The following ABCA4 variants were observed in gnomAD, a reference collection of about 807,000 sequenced individuals.
ABCA4 encodes retinal-specific phospholipid-transporting ATPase ABCA4.
In ABCA4, 196 loss-of-function variants were observed where a neutral mutation model predicts 263.7. The ratio of observed to expected loss-of-function variants is 0.74; its 90% CI spans 0.66 to 0.84. The LOEUF (loss-of-function observed/expected upper bound fraction) is 0.84, where lower values mean the gene tolerates loss of function less well. Among genes scored for constraint, ABCA4 ranks in the 40% least tolerant of loss-of-function variants. The pLI, the probability that ABCA4 is intolerant of heterozygous loss-of-function variation, is 0.00. For synonymous variants in ABCA4, 1,133 were observed against 1,094.2 expected, an observed-to-expected ratio of 1.04 and a Z score of -0.70; for missense variants, 2,792 against 2,855.1, an observed-to-expected ratio of 0.98 and a Z score of 0.50.
At chr1:94,011,449 T>G (rs1209531747) in intron 38 of ABCA4, 64 bp from the exon 39 acceptor site, 2 of 1,609,598 alleles carry the variant, frequency 1.2e-6, no homozygotes, top group Non-Finnish European at 1.7e-6. Context: ...CTTCAGCAGG[T>G]GGGGCCCAGA....
chr1:94,108,115 T>C (rs530209223), intron 4 of ABCA4, among the ~76,000 whole-genome samples: 1 of 152,332 alleles, frequency 6.6e-6, no homozygotes, highest in African/African-American at 2.4e-5. Context: ...GGAGAAATAG[T>C]ACAATTATGC....
chr1:94,042,610 A>G, intron 22 of ABCA4, 151 bp downstream of exon 22: 1 of 1,093,210 alleles, frequency 9.1e-7, no homozygotes, highest in Non-Finnish European at 1.4e-6. Context: ...TTTAGCTGGA[A>G]CTTAGATTCA....
At chr1:94,117,326 G>C (rs766871813) in intron 1 of ABCA4, among the ~76,000 whole-genome samples, 10 of 152,094 alleles carry the variant, frequency 6.6e-5, no homozygotes, top group Non-Finnish European at 1.3e-4. Context: ...CCCGGAGCCT[G>C]GGTACACTGG....
At position 94,067,974 on chromosome 1, in the gene ABCA4, A is replaced by G. The variant is rs533462797; in HGVS notation, c.1555-4657T>C. ...CCATTTTTATGACTGTTTTTGCAAA[A>G]TATCTTGAAAGTCAACAGACTTTTA... is the stretch of plus-strand genomic sequence containing the variant. On this transcript the variant is annotated intron_variant, in intron 11 of 49. Transcript: ENST00000370225. Among the ~76,000 whole-genome samples, 146 of 152,328 alleles carry G rather than the reference A, an allele frequency of 9.6e-4. 2 individuals carry two copies. The highest frequency in any genetic ancestry group is 1.0e-3 in the Non-Finnish European group (71 of 68,024).
Position 94,112,001 on chromosome 1 carries a change from T to A in ABCA4, c.161-422A>T, listed in dbSNP as rs773619602. The stretch of plus-strand genomic sequence containing the variant: ...AAGCATGCAGTAGGGCTGCAGGTTA[T>A]GGGCTCCTCGGGGAGAGGTAAAGAA... On this transcript the variant is annotated intron_variant, in intron 2 of 49. Coordinates refer to ENST00000370225, the MANE Select transcript of ABCA4 (RefSeq NM_000350.3). 3.6e-4 allele frequency among the ~76,000 whole-genome samples: 55 copies of A among 152,302 alleles called. No individual in the cohort carries two copies. In the Middle Eastern group the frequency reaches 0.02, roughly 57 times the overall value.
At chr1:94,114,115 T>C (rs999840877) in intron 1 of ABCA4, among the ~76,000 whole-genome samples, 1 of 152,248 alleles carries the variant, frequency 6.6e-6, no homozygotes, top group Non-Finnish European at 1.5e-5. Context: ...GCTATTCACA[T>C]GGTCTTTCAT....
At position 93,997,947 on chromosome 1, in the gene ABCA4, GGGA is replaced by G. The variant is rs771016066; in HGVS notation, c.6640_6642del (p.Ser2214del). ...AGGAGGAGCTGGAAGATCCTCGCCA[GGGA>G]GGAGGAGGAGACCTGGAACTGGAGC... On this transcript the variant is annotated inframe_deletion, in exon 48 of 50. Coordinates refer to ENST00000370225, the MANE Select transcript of ABCA4 (RefSeq NM_000350.3). 1.9e-6 allele frequency: 3 copies of G among 1,614,156 alleles called. No individual in the cohort carries two copies. The highest frequency in any genetic ancestry group is 2.5e-6 in the Non-Finnish European group (3 of 1,180,010).
chr1:94,061,959 C>T (rs1034282293), intron 13 of ABCA4, among the ~76,000 whole-genome samples: 11 of 152,162 alleles, frequency 7.2e-5, no homozygotes, highest in South Asian at 2.1e-4. Context: ...CCCTCCACCC[C>T]GGCCCTTTCT....
At chr1:94,102,658 A>G (rs977596100) in intron 5 of ABCA4, among the ~76,000 whole-genome samples, 1 of 152,136 alleles carries the variant, frequency 6.6e-6, no homozygotes, top group African/African-American at 2.4e-5. Context: ...TGTCTGGTTC[A>G]CACTGTGTTC....
chr1:94,058,000 A>G (rs1661024923), intron 14 of ABCA4, among the ~76,000 whole-genome samples: 1 of 152,156 alleles, frequency 6.6e-6, no homozygotes, highest in Non-Finnish European at 1.5e-5. Context: ...TAGAAAAGAG[A>G]CCAATGAGCT....
At chr1:94,019,540 G>T in intron 36 of ABCA4, 42 bp downstream of exon 36, 1 of 1,556,936 alleles carries the variant, frequency 6.4e-7, no homozygotes, top group Non-Finnish European at 8.7e-7. Context: ...GCTCCACCTT[G>T]GGCCCACGGA....
intron 48 of ABCA4, among the ~76,000 whole-genome samples, 165 bp from the exon 49 acceptor site, chr1:93,996,360 A>G (rs1571239096): frequency 2.6e-5 from 4 of 152,330 alleles, no homozygotes; most frequent in African/African-American, 9.6e-5. Flanking sequence ...AAGCCTGGCC[A>G]CCACTGCCCT....
chr1:94,118,807 G>A (rs542877350), intron 1 of ABCA4, among the ~76,000 whole-genome samples: 7 of 152,192 alleles, frequency 4.6e-5, no homozygotes, highest in African/African-American at 9.7e-5. Context: ...CCATGCCAGC[G>A]AAAGGCCAGA....
intron 30 of ABCA4, among the ~76,000 whole-genome samples, chr1:94,027,618 A>G (rs1322287709): frequency 6.6e-6 from 1 of 152,216 alleles, no homozygotes; most frequent in Non-Finnish European, 1.5e-5. Flanking sequence ...AGAATATAAA[A>G]AAGAGCAGGG....
At position 94,007,718 on chromosome 1, in the gene ABCA4, T is replaced by C. The variant is rs1659429852; in HGVS notation, c.5921A>G (p.Asn1974Ser). Residue 1974 changes from asparagine (N) to serine (S), a missense_variant, in exon 43 of 50, where the codon AAT becomes AGT. Physicochemically the swap from Asn to Ser is conservative, Grantham distance 46. Transcript: ENST00000370225. ...PGECFGLLGV[N>S]GAGKTTTFKM... ...GAATGTGGTTGTTTTGCCGGCACCA[T>C]TCACTCCCAGGAGGCCAAAGCACTA... 1 of 1,613,994 alleles carries C rather than the reference T, an allele frequency of 6.2e-7. No individual in the cohort carries two copies. The highest frequency in any genetic ancestry group is 8.5e-7 in the Non-Finnish European group (1 of 1,180,008).
chr1:94,092,790 A>G (rs1406716860), intron 6 of ABCA4, among the ~76,000 whole-genome samples: 1 of 149,308 alleles, frequency 6.7e-6, no homozygotes, highest in Non-Finnish European at 1.5e-5. Context: ...ACTCCATGAG[A>G]CAGACCTTCT....
Position 94,046,996 on chromosome 1 carries a change from G to A in ABCA4, c.2841C>T (p.Asp947=), listed in dbSNP as rs200551567. Residue 947 remains aspartate, a synonymous_variant, in exon 19 of 50, where the codon GAC becomes GAT. Coordinates refer to ENST00000370225, the MANE Select transcript of ABCA4 (RefSeq NM_000350.3). Reference sequence around the variant, plus strand: ...TCTCGTAGAAGGTGATGTTCAGACGGTCCACAGCTGGCCGGCCACAGGGCT... The same window carrying A: ...TCTCGTAGAAGGTGATGTTCAGACGATCCACAGCTGGCCGGCCACAGGGCT... ...IFEPCGRPAV[D]RLNITFYENQ... is the part of the protein sequence containing the mutation. 4.2e-5 allele frequency: 68 copies of A among 1,614,116 alleles called. 2 individuals carry two copies. The East Asian group carries it at 6.5e-4, about 15-fold the overall frequency.
intron 5 of ABCA4, among the ~76,000 whole-genome samples, chr1:94,101,139 C>T (rs1662276302): frequency 6.6e-6 from 1 of 152,234 alleles, no homozygotes; most frequent in Admixed American, 6.5e-5. Flanking sequence ...GCACTGATGC[C>T]AGAAGCACAG....
At chr1:94,045,198 C>A (rs1269175075) in intron 19 of ABCA4, among the ~76,000 whole-genome samples, 1 of 152,168 alleles carries the variant, frequency 6.6e-6, no homozygotes, top group Non-Finnish European at 1.5e-5. Context: ...TTGATGAAGG[C>A]CAGAACCCTA....
Sources: gnomAD v4.1 joint callset for allele counts (sites outside exome capture counted in the v4.1 genomes callset) on GRCh38, gnomAD v4.1.1 for gene constraint, MANE v1.5 for transcripts, NCBI Gene and HGNC (gene_info 2026-07-23, HGNC 2026-07-21) for gene names.